LARGE2: variants seen among roughly 807,000 people sequenced by gnomAD.
LARGE2 encodes the protein LARGE xylosyl- and glucuronyltransferase 2, also known as xylosyl- and glucuronyltransferase LARGE2.
A neutral mutation model predicts 75.3 loss-of-function variants in LARGE2; 63 were observed. The ratio of observed to expected loss-of-function variants is 0.84; its 90% CI spans 0.68 to 1.03. LARGE2 has a LOEUF of 1.03. Among genes scored for constraint, LARGE2 ranks in the 50% least tolerant of loss-of-function variants. The pLI, the probability that LARGE2 is intolerant of heterozygous loss-of-function variation, is 0.00. For synonymous variants in LARGE2, 428 were observed against 420.1 expected (o/e 1.02, Z -0.23); for missense variants, 925 against 980.6 (o/e 0.94, Z 0.76).
rs1407126991 is a variant in LARGE2, at chr11:45,928,607, T to C, written c.1951-23T>C. 2.5e-6 allele frequency: 4 copies of C among 1,604,148 alleles called. No homozygotes were observed. In the South Asian group the frequency reaches 3.3e-5, roughly 13 times the overall value. On this transcript the variant is annotated intron_variant, in intron 13 of 13. Coordinates refer to ENST00000401752, the MANE Select transcript of LARGE2 (RefSeq NM_001300721.2). ...CAGGCCAGGCAAGCCAGGCAGCCAC[T>C]GCTCCTCTGCCCCACCCTGCAGGAA...
intron 11 of LARGE2, 128 bp from the exon 12 acceptor site, chr11:45,927,792 G>T: frequency 6.7e-7 from 1 of 1,483,900 alleles, no homozygotes; most frequent in Non-Finnish European, 9.3e-7. Context: ...CTGTGGTTGT[G>T]CCCACCCGTC....
intron 10 of LARGE2, 62 bp from the exon 11 acceptor site, chr11:45,927,253 C>T (rs1304055337): frequency 1.3e-6 from 2 of 1,543,788 alleles, no homozygotes; most frequent in Non-Finnish European, 1.7e-6. Context: ...GGAGGTTTGC[C>T]AGGCCTCCCT....
In LARGE2 at chr11:45,928,387, T is replaced by C; in HGVS notation, c.1950+15T>C. 6.2e-7 allele frequency: 1 copy of C among 1,610,156 alleles called. No individual in the cohort carries two copies. The highest frequency in any genetic ancestry group is 8.5e-7 in the Non-Finnish European group (1 of 1,177,318). On this transcript the variant is annotated intron_variant, in intron 13 of 13. Coordinates refer to ENST00000401752, the MANE Select transcript of LARGE2 (RefSeq NM_001300721.2). ...TGGATGCCCAGGTGAGGAGGGCACC[T>C]TGCTGCCTCCACCTTTGACTCGAGC...
chr11:45,923,155 G>GCCC lies in LARGE2; in HGVS notation c.274_276dup (p.Pro92dup). On this transcript the variant is annotated inframe_insertion, in exon 2 of 14. Coordinates refer to ENST00000401752, the MANE Select transcript of LARGE2 (RefSeq NM_001300721.2). ...ACTGCGGCCCGCAGCCGCCGCCGCC[G>GCCC]CCCAAGTGCGAGGTAGGTGCGCGCG... is the stretch of plus-strand genomic sequence containing the variant. The GCCC allele has an allele frequency of 7.5e-7, 1 of 1,340,700 alleles. No individual in the cohort carries two copies. Among genetic ancestry groups the GCCC allele is most frequent in the Non-Finnish European group, 9.5e-7 (1 of 1,054,800 alleles). 83.1% of individuals were successfully genotyped at this position (1,340,700 alleles called of 1,614,324 possible).
At chr11:45,922,325 G>A (rs2086945375), upstream of LARGE2, among the ~76,000 whole-genome samples, 1 of 152,160 alleles carries the variant, frequency 6.6e-6, no homozygotes, top group Admixed American at 6.5e-5. Context: ...CTCCCGCAGT[G>A]TCTTTGATCC....
In LARGE2 at chr11:45,929,013, C is replaced by A; in HGVS notation, c.*168C>A. 1.2e-6 allele frequency: 1 copy of A among 838,048 alleles called. No individual in the cohort carries two copies. The highest frequency in any genetic ancestry group is 1.8e-6 in the Non-Finnish European group (1 of 550,252). The allele number at this position is 838,048 out of a possible 1,614,324, so 51.9% of individuals were successfully genotyped here. On this transcript the variant is annotated 3_prime_UTR_variant, in exon 14 of 14. Coordinates refer to ENST00000401752, the MANE Select transcript of LARGE2 (RefSeq NM_001300721.2). ...TGCTATTGTATGGCTGGGGACTGGTCTCTCTCTGCCCCAGCCAGTTTGGGG... is the reference window on the plus strand; with the variant it reads ...TGCTATTGTATGGCTGGGGACTGGTATCTCTCTGCCCCAGCCAGTTTGGGG...
At chr11:45,926,409 C>A (rs1267733635) in intron 8 of LARGE2, 33 bp from the exon 9 acceptor site, 11 of 1,613,614 alleles carry the variant, frequency 6.8e-6, no homozygotes, top group Non-Finnish European at 9.3e-6. Flanking sequence ...CTGCTCCCTG[C>A]TCCCATGGCC....
chr11:45,927,682 T>C (rs887202192), intron 11 of LARGE2, 89 bp downstream of exon 11: 1 of 1,552,484 alleles, frequency 6.4e-7, no homozygotes, highest in Non-Finnish European at 8.8e-7. Flanking sequence ...TCCCTGCTCC[T>C]TTCTGGGCCT....
Position 45,929,043 on chromosome 11 carries a change from T to C in LARGE2, c.*198T>C. 1 of 641,542 alleles carries C rather than the reference T, an allele frequency of 1.6e-6. No individual in the cohort carries two copies. 39.7% of individuals were successfully genotyped at this position (641,542 alleles called of 1,614,324 possible). ...TCTGCCCCAGCCAGTTTGGGGCTGG[T>C]TCCCCCATCTTGAATTGTTTATCCC... On this transcript the variant is annotated 3_prime_UTR_variant, in exon 14 of 14. Transcript: ENST00000401752.
In LARGE2 at chr11:45,923,123, C is replaced by G; in HGVS notation, c.241C>G (p.Arg81Gly). ...DPGAGPGDHN[R>G]SDCGPQPPPP... ...GGGGGCCGGCCCCGGGGACCACAAC[C>G]GCTCCGACTGCGGCCCGCAGCCGCC... Residue 81 changes from arginine to glycine, a missense_variant, in exon 2 of 14, where the codon CGC becomes GGC. By Grantham distance (125) the Arg-to-Gly change is moderately radical. Coordinates refer to ENST00000401752, the MANE Select transcript of LARGE2 (RefSeq NM_001300721.2). The G allele has an allele frequency of 7.3e-7, 1 of 1,369,898 alleles. No homozygotes were observed. The highest frequency in any genetic ancestry group is 9.3e-7 in the Non-Finnish European group (1 of 1,069,946). The allele number at this position is 1,369,898 out of a possible 1,614,324, so 84.9% of individuals were successfully genotyped here.
Position 45,923,028 on chromosome 11 carries a change from C to T in LARGE2, c.146C>T (p.Pro49Leu). Residue 49 changes from proline to leucine, a missense_variant, in exon 2 of 14, where the codon CCC becomes CTC. This residue lies in a region of LARGE2 where 453 missense variants were observed against 460.2 expected (regional missense o/e 0.98). Transcript: ENST00000401752. ...CGAGCGGGGGCCCCGGGATGCTTCCCCGGCCCGCTCATGCCACGTGTCCCC... is the reference window on the plus strand; with the variant it reads ...CGAGCGGGGGCCCCGGGATGCTTCCTCGGCCCGCTCATGCCACGTGTCCCC... ...GGRAGAPGCFPGPLMPRVPPD... is the reference protein window; with the variant it reads ...GGRAGAPGCFLGPLMPRVPPD... 3 of 1,396,338 alleles carry T rather than the reference C, an allele frequency of 2.1e-6. No homozygotes were observed. Among genetic ancestry groups the T allele is most frequent in the African/African-American group, 3.0e-5 (2 of 66,172 alleles). The allele number at this position is 1,396,338 out of a possible 1,614,324, so 86.5% of individuals were successfully genotyped here. A position where few individuals can be genotyped will look rare whatever the true frequency, so the allele number is the denominator to read the frequency against.
chr11:45,927,741 G>A (rs2087251784), intron 11 of LARGE2, 148 bp downstream of exon 11: 5 of 1,427,060 alleles, frequency 3.5e-6, no homozygotes, highest in Non-Finnish European at 4.9e-6. Flanking sequence ...TCTCTGGGCT[G>A]TCAACAGGGA....
Position 45,926,794 on chromosome 11 carries a change from T to G in LARGE2, c.1248T>G (p.His416Gln), listed in dbSNP as rs955658322. ...RQQQLTVHRV[H>Q]VTFLPHEPPP... ...AGCAGCTCACTGTGCACCGTGTGCA[T>G]GTCACTTTCCTGCCCCATGAACCGC... is the stretch of plus-strand genomic sequence containing the variant. The change falls in exon 10 of 14, where the codon CAT (histidine) becomes CAG (glutamine). Residue 416 changes from histidine to glutamine, a missense_variant. By Grantham distance (24) the His-to-Gln change is conservative. Transcript: ENST00000401752. 1 of 1,613,454 alleles carries G rather than the reference T, an allele frequency of 6.2e-7. No homozygotes were observed. The highest frequency in any genetic ancestry group is 8.5e-7 in the Non-Finnish European group (1 of 1,180,002).
intron 11 of LARGE2, 22 bp from the exon 12 acceptor site, chr11:45,927,898 G>A (rs778678558): frequency 6.8e-6 from 11 of 1,611,468 alleles, no homozygotes; most frequent in Admixed American, 3.3e-5. Context: ...CTTCTCCCCT[G>A]CTCATGGGTG....
intron 3 of LARGE2, among the ~76,000 whole-genome samples, 143 bp from the exon 4 acceptor site, chr11:45,923,985 CAAAAAAAAAAAAAAAAAAAAAAAAAA>C (rs60577963): frequency 7.2e-5 from 5 of 69,530 alleles, no homozygotes; most frequent in Non-Finnish European, 1.0e-4. Flanking sequence ...GACTCCGTCT[CAAAAAAAAAAAAAAAAAAAAAAAAAA>C]AAAAAAAAAA....
intron 2 of LARGE2, 71 bp downstream of exon 2, chr11:45,923,238 G>C (rs754507839): frequency 2.4e-5 from 31 of 1,315,248 alleles, no homozygotes; most frequent in Non-Finnish European, 2.9e-5. Context: ...TTGGACATCT[G>C]CGGGAATCAC....
At position 45,923,547 on chromosome 11, in the gene LARGE2, C is replaced by T. The variant is rs751298508; in HGVS notation, c.360C>T (p.Leu120=). The T allele has an allele frequency of 2.1e-5, 34 of 1,613,740 alleles. No homozygotes were observed. The highest frequency in any genetic ancestry group is 2.6e-5 in the Non-Finnish European group (31 of 1,179,880). The change falls in exon 3 of 14, where the codon CTC becomes CTT. Residue 120 remains leucine, a synonymous_variant. Transcript: ENST00000401752. The part of the protein sequence containing the change: ...RDVITLVKSM[L]FYRKNPLHLH... ...TCATCACCCTGGTGAAGTCCATGCT[C>T]TTCTACAGGTACAGCCAGGTGTCCG...
At chr11:45,921,966 G>A (rs76205096), upstream of LARGE2, among the ~76,000 whole-genome samples, 726 of 152,228 alleles carry the variant, frequency 4.8e-3, 5 homozygotes, top group Middle Eastern at 0.02. Context: ...TGGGGTGCGC[G>A]GGGGAGAGGG....
intron 2 of LARGE2, 51 bp from the exon 3 acceptor site, chr11:45,923,407 TCAACATGGGTCCTCA>T: frequency 6.6e-7 from 1 of 1,509,156 alleles, no homozygotes; most frequent in African/African-American, 1.4e-5. Flanking sequence ...GTGGGGCAGC[TCAACATGGGTCCTCA>T]CCGCCTAGCG....
Sources: allele counts gnomAD v4.1 joint callset (sites outside exome capture counted in the v4.1 genomes callset), GRCh38; gene constraint gnomAD v4.1.1; regional missense constraint gnomAD v4.1.1; transcripts MANE v1.5; gene names NCBI Gene and HGNC (gene_info 2026-07-23, HGNC 2026-07-21).